C5: variants seen among roughly 807,000 people sequenced by gnomAD.
C5 encodes complement C5.
Under a neutral mutation model 218.8 loss-of-function variants are expected in C5, and 140 were observed. The ratio of observed to expected loss-of-function variants is 0.64; its 90% confidence interval spans 0.56 to 0.74. The LOEUF is 0.74. Among genes scored for constraint, C5 ranks in the 30% least tolerant of loss-of-function variants. C5 has a pLI of 0.00. For missense variants in C5, 1,700 were observed against 1,969.6 expected, an observed-to-expected ratio of 0.86 and a Z score of 2.59; for synonymous variants, 614 against 682.3, an observed-to-expected ratio of 0.90 and a Z score of 1.56.
At chr9:121,039,304 G>A (rs988540988) in intron 3 of C5, among the ~76,000 whole-genome samples, 3 of 152,066 alleles carry the variant, frequency 2.0e-5, no homozygotes, top group Admixed American at 6.5e-5. Context: ...CACAGCGATG[G>A]TACATTGGAG....
At chr9:121,040,949 T>C (rs2047572885) in intron 3 of C5, among the ~76,000 whole-genome samples, 1 of 137,618 alleles carries the variant, frequency 7.3e-6, no homozygotes, top group Admixed American at 9.0e-5. Flanking sequence ...TCTTTTTTTT[T>C]CTCTTTTTTT....
chr9:121,029,063 T>A (rs189040680), intron 7 of C5, among the ~76,000 whole-genome samples: 1 of 152,226 alleles, frequency 6.6e-6, no homozygotes, highest in Non-Finnish European at 1.5e-5. Context: ...CTCACTGTTA[T>A]ATGAGATCTA....
At chr9:121,008,351 C>T in intron 18 of C5, 57 bp downstream of exon 18, 7 of 1,245,946 alleles carry the variant, frequency 5.6e-6, no homozygotes, top group Non-Finnish European at 8.3e-6. Flanking sequence ...AGATTTTTGG[C>T]CATAATACTT....
intron 27 of C5, among the ~76,000 whole-genome samples, 154 bp downstream of exon 27, chr9:120,981,690 T>C (rs2046994940): frequency 6.6e-6 from 1 of 152,226 alleles, no homozygotes; most frequent in Non-Finnish European, 1.5e-5. Context: ...ATCATTGTTC[T>C]GAAATCTTTC....
chr9:120,952,722 G>T lies in C5; in HGVS notation c.*17C>A, dbSNP rs754753053. 6.2e-7 allele frequency: 1 copy of T among 1,611,154 alleles called. No homozygotes were observed. Among genetic ancestry groups the T allele is most frequent in the Non-Finnish European group, 8.5e-7 (1 of 1,178,866 alleles). ...AGTCCATAAGTGCAAACTGTATGCA[G>T]CTGAACTTCAGGAATTTTAGCATCC... On this transcript the variant is annotated 3_prime_UTR_variant, in exon 41 of 41. Transcript: ENST00000223642.
chr9:121,013,729 A>AT (rs41309860), intron 17 of C5, 144 bp downstream of exon 17: 73,765 of 774,666 alleles, frequency 0.095, 3,610 homozygotes, highest in African/African-American at 0.14. Context: ...AAAATGAAGG[A>AT]TTTTTTTTTC....
intron 31 of C5, among the ~76,000 whole-genome samples, chr9:120,970,889 C>T (rs2046907021): frequency 6.6e-6 from 1 of 152,114 alleles, no homozygotes; most frequent in African/African-American, 2.4e-5. Flanking sequence ...TTGCACCTGC[C>T]AGCTGGGCGT....
chr9:120,997,425 C>A, intron 21 of C5, 122 bp downstream of exon 21: 1 of 769,704 alleles, frequency 1.3e-6, no homozygotes, highest in Non-Finnish European at 2.2e-6. Flanking sequence ...GAATAACCTC[C>A]ATCCAGTTTC....
At chr9:121,012,538 A>G (rs2047270497) in intron 17 of C5, among the ~76,000 whole-genome samples, 1 of 152,188 alleles carries the variant, frequency 6.6e-6, no homozygotes. Context: ...CAAACAAAGC[A>G]AAACAAATAT....
chr9:121,066,225 T>C, the C5 span, among the ~76,000 whole-genome samples: 1 of 141,296 alleles, frequency 7.1e-6, no homozygotes, highest in Non-Finnish European at 1.5e-5. Context: ...GGCAGAAGAA[T>C]CACTTGAACC....
At position 120,997,641 on chromosome 9, in the gene C5, G is replaced by A. The variant is rs2131723823; in HGVS notation, c.2696C>T (p.Thr899Ile). 6.2e-7 allele frequency: 1 copy of A among 1,614,142 alleles called. No individual in the cohort carries two copies. Among genetic ancestry groups the A allele is most frequent in the East Asian group, 2.2e-5 (1 of 44,884 alleles). Residue 899 changes from threonine to isoleucine, a missense_variant, in exon 21 of 41, where the codon ACT becomes ATT. Thr to Ile is a moderately conservative substitution (Grantham distance 89). Transcript: ENST00000223642. ...EGSSSHLVTFTVLPLEIGLHN... is the reference protein window; with the variant it reads ...EGSSSHLVTFIVLPLEIGLHN... ...AAGGCCAATTTCCAGAGGAAGCACA[G>A]TGAATGTCACCAAGTGACTGGAGGA... is the stretch of plus-strand genomic sequence containing the variant.
chr9:120,974,375 T>C (rs1444555973), intron 30 of C5, among the ~76,000 whole-genome samples: 1 of 152,188 alleles, frequency 6.6e-6, no homozygotes, highest in East Asian at 1.9e-4. Flanking sequence ...ACTGTACTGC[T>C]CTGTGCGCTG....
At chr9:121,004,374 G>A (rs941548306) in intron 20 of C5, among the ~76,000 whole-genome samples, 1 of 151,930 alleles carries the variant, frequency 6.6e-6, no homozygotes, top group Admixed American at 6.6e-5. Flanking sequence ...AGTATAATAA[G>A]GTGATCAACA....
chr9:120,962,658 T>C lies in C5; in HGVS notation c.4504+13A>G. 1 of 1,531,838 alleles carries C rather than the reference T, an allele frequency of 6.5e-7. No individual in the cohort carries two copies. Among genetic ancestry groups the C allele is most frequent in the Non-Finnish European group, 9.1e-7 (1 of 1,104,856 alleles). 94.9% of individuals were successfully genotyped at this position (1,531,838 alleles called of 1,614,324 possible). On this transcript the variant is annotated intron_variant, in intron 36 of 40. Coordinates refer to ENST00000223642, the MANE Select transcript of C5 (RefSeq NM_001735.3). Reference sequence around the variant, plus strand: ...GTATTCTTCTGAAGAAATGTTAGCATGGAGTTGATTACCTGGTCTGTGGTA... The same window carrying C: ...GTATTCTTCTGAAGAAATGTTAGCACGGAGTTGATTACCTGGTCTGTGGTA...
At chr9:121,016,893 T>G (rs988920944) in intron 14 of C5, among the ~76,000 whole-genome samples, 1 of 152,198 alleles carries the variant, frequency 6.6e-6, no homozygotes, top group Non-Finnish European at 1.5e-5. Context: ...TCCTTCCTTG[T>G]TCAAAGACAT....
intron 11 of C5, among the ~76,000 whole-genome samples, chr9:121,020,913 C>G (rs1042470581): frequency 1.3e-5 from 2 of 152,302 alleles, no homozygotes; most frequent in East Asian, 1.9e-4. Context: ...TCATAAAGCT[C>G]TCAGCATGAT....
the C5 span, among the ~76,000 whole-genome samples, chr9:121,068,391 TA>T: frequency 6.6e-6 from 1 of 151,920 alleles, no homozygotes; most frequent in Non-Finnish European, 1.5e-5. Flanking sequence ...CAATAGCTAT[TA>T]AAAAAACACC....
the C5 span, among the ~76,000 whole-genome samples, chr9:121,068,885 T>C: frequency 6.6e-6 from 1 of 152,168 alleles, no homozygotes; most frequent in Non-Finnish European, 1.5e-5. Flanking sequence ...GGGGAAAGAA[T>C]AGTCTCTTTA....
the C5 span, among the ~76,000 whole-genome samples, chr9:121,056,842 T>C: frequency 2.6e-5 from 4 of 152,056 alleles, no homozygotes; most frequent in South Asian, 8.3e-4. Context: ...CAGACAACTT[T>C]CCAAACCTAG....
Sources: gnomAD v4.1 joint callset for allele counts (sites outside exome capture counted in the v4.1 genomes callset) on GRCh38, gnomAD v4.1.1 for gene constraint, MANE v1.5 for transcripts, NCBI Gene and HGNC (gene_info 2026-07-23, HGNC 2026-07-21) for gene names.